The following LRFN2 variants were observed in gnomAD, a reference collection of about 807,000 sequenced individuals.
LRFN2 encodes leucine rich repeat and fibronectin type III domain containing 2, also known as leucine-rich repeat and fibronectin type-III domain-containing protein 2.
In LRFN2, 18 loss-of-function variants were observed where a neutral mutation model predicts 37.3. The observed-to-expected ratio is 0.48, with a 90% CI of 0.33 to 0.72. The LOEUF (loss-of-function observed/expected upper bound fraction) is 0.72. Ranked by LOEUF, LRFN2 falls within the 30% of genes least tolerant of loss-of-function variation. The pLI, the probability that LRFN2 is intolerant of heterozygous loss-of-function variation, is 0.02. For synonymous variants in LRFN2, 556 were observed against 466.6 expected (o/e 1.19, Z -2.47); for missense variants, 1,006 against 1,060.7 (o/e 0.95, Z 0.72).
intron 1 of LRFN2, among the ~76,000 whole-genome samples, chr6:40,447,285 TG>T (rs1279802007): frequency 6.6e-6 from 1 of 152,264 alleles, no homozygotes; most frequent in African/African-American, 2.4e-5. Context: ...CCCCACCGTA[TG>T]CCTCAGTTTT....
intron 1 of LRFN2, among the ~76,000 whole-genome samples, chr6:40,552,662 A>G (rs1766798492): frequency 6.6e-6 from 1 of 152,162 alleles, no homozygotes; most frequent in Non-Finnish European, 1.5e-5. Flanking sequence ...CTCAAAAGCC[A>G]TTTTTCTTTC....
At chr6:40,423,961 G>T in intron 2 of LRFN2, among the ~76,000 whole-genome samples, 1 of 152,092 alleles carries the variant, frequency 6.6e-6, no homozygotes, top group South Asian at 2.1e-4. Context: ...CCCTTCCACT[G>T]GTCTTCTTTT....
chr6:40,480,713 G>T (rs1219723001), intron 1 of LRFN2, among the ~76,000 whole-genome samples: 8 of 152,132 alleles, frequency 5.3e-5, no homozygotes, highest in Non-Finnish European at 1.0e-4. Context: ...GGCCCCACAT[G>T]CCTCCCCTGG....
At chr6:40,443,090 T>C (rs1454398192) in intron 1 of LRFN2, among the ~76,000 whole-genome samples, 2 of 152,214 alleles carry the variant, frequency 1.3e-5, no homozygotes, top group African/African-American at 4.8e-5. Context: ...TTTGCCTGTT[T>C]GTGGGTGGCC....
intron 1 of LRFN2, among the ~76,000 whole-genome samples, chr6:40,490,951 G>A (rs1289434227): frequency 6.6e-6 from 1 of 152,206 alleles, no homozygotes; most frequent in Non-Finnish European, 1.5e-5. Context: ...GGCCTCACCT[G>A]TAAGGTGAGG....
chr6:40,540,533 G>T (rs1460342683), intron 1 of LRFN2, among the ~76,000 whole-genome samples: 1 of 152,160 alleles, frequency 6.6e-6, no homozygotes, highest in East Asian at 1.9e-4. Flanking sequence ...CAGTCAGGGA[G>T]CTTTCAGAGG....
chr6:40,487,848 C>G (rs1765001127), intron 1 of LRFN2, among the ~76,000 whole-genome samples: 1 of 152,234 alleles, frequency 6.6e-6, no homozygotes, highest in Non-Finnish European at 1.5e-5. Context: ...CCAAATCCTA[C>G]TTTTTCTCTG....
intron 1 of LRFN2, among the ~76,000 whole-genome samples, chr6:40,559,456 G>A (rs1766952679): frequency 1.3e-5 from 2 of 152,156 alleles, no homozygotes; most frequent in Admixed American, 6.5e-5. Context: ...AGTTCAGCTG[G>A]GGTGGTCCCA....
chr6:40,488,112 G>C (rs1234443610), intron 1 of LRFN2, among the ~76,000 whole-genome samples: 1 of 152,152 alleles, frequency 6.6e-6, no homozygotes, highest in African/African-American at 2.4e-5. Context: ...TAAAGTCACT[G>C]GATTGGAAAA....
At chr6:40,434,556 A>C (rs940317189) in intron 1 of LRFN2, among the ~76,000 whole-genome samples, 5 of 150,314 alleles carry the variant, frequency 3.3e-5, no homozygotes, top group African/African-American at 1.2e-4. Flanking sequence ...GGCTCACTGC[A>C]ACCTCTGCCT....
intron 1 of LRFN2, among the ~76,000 whole-genome samples, chr6:40,434,158 C>T (rs146625386): frequency 2.7e-3 from 404 of 152,330 alleles, no homozygotes; most frequent in African/African-American, 9.3e-3. Flanking sequence ...CGTAAAGCCC[C>T]AAGAAGAAGG....
At chr6:40,471,321 C>T (rs2113857144) in intron 1 of LRFN2, among the ~76,000 whole-genome samples, 1 of 152,274 alleles carries the variant, frequency 6.6e-6, no homozygotes, top group South Asian at 2.1e-4. Context: ...GCTCTAGTCT[C>T]CTGGCAAAGT....
intron 1 of LRFN2, among the ~76,000 whole-genome samples, chr6:40,510,814 G>A (rs1439078423): frequency 1.3e-5 from 2 of 152,210 alleles, no homozygotes; most frequent in East Asian, 1.9e-4. Context: ...GAGCAAGTGT[G>A]TGAGGATGAC....
chr6:40,414,215 G>A (rs535039804), intron 2 of LRFN2, among the ~76,000 whole-genome samples: 2 of 152,158 alleles, frequency 1.3e-5, no homozygotes, highest in African/African-American at 4.8e-5. Flanking sequence ...CTCCCAGGGG[G>A]CTATGAAGGT....
chr6:40,409,536 A>T (rs1207031561), intron 2 of LRFN2, among the ~76,000 whole-genome samples: 1 of 152,150 alleles, frequency 6.6e-6, no homozygotes, highest in Non-Finnish European at 1.5e-5. Flanking sequence ...ATCAGTTTCA[A>T]ATGTTGGCCC....
intron 1 of LRFN2, among the ~76,000 whole-genome samples, chr6:40,467,203 GA>G (rs1764489873): frequency 6.7e-6 from 1 of 149,798 alleles, no homozygotes; most frequent in African/African-American, 2.5e-5. Flanking sequence ...TGATGATGAT[GA>G]TGATGTGTGT....
intron 1 of LRFN2, among the ~76,000 whole-genome samples, chr6:40,440,132 A>T (rs1466576393): frequency 1.3e-5 from 2 of 151,306 alleles, no homozygotes; most frequent in African/African-American, 4.9e-5. Context: ...GACAACAGGA[A>T]AAAAAAAAGG....
At chr6:40,562,431 A>G (rs1180849388) in intron 1 of LRFN2, among the ~76,000 whole-genome samples, 3 of 151,904 alleles carry the variant, frequency 2.0e-5, no homozygotes, top group Non-Finnish European at 4.4e-5. Flanking sequence ...CAAGTACGGT[A>G]CAGGGGGAGG....
At chr6:40,481,999 G>T (rs1317214881) in intron 1 of LRFN2, among the ~76,000 whole-genome samples, 1 of 152,148 alleles carries the variant, frequency 6.6e-6, no homozygotes, top group East Asian at 1.9e-4. Flanking sequence ...ATTTCACAAG[G>T]GGGCAAGTGA....
Sources: allele counts gnomAD v4.1 joint callset (sites outside exome capture counted in the v4.1 genomes callset), GRCh38; gene constraint gnomAD v4.1.1; transcripts MANE v1.5; gene names NCBI Gene and HGNC (gene_info 2026-07-23, HGNC 2026-07-21).